Variants in DENND5B observed in about 807,000 individuals in gnomAD.
DENND5B encodes the protein DENN domain containing 5B, also known as DENN domain-containing protein 5B.
Under a neutral mutation model 140.6 loss-of-function variants are expected in DENND5B, and 34 were observed. The observed-to-expected ratio is 0.24, with a 90% confidence interval of 0.18 to 0.32. The LOEUF is 0.32. Ranked by LOEUF, DENND5B falls within the 10% of genes least tolerant of loss-of-function variation. DENND5B has a pLI of 1.00. For synonymous variants in DENND5B, 551 were observed against 562.1 expected, an observed-to-expected ratio of 0.98 and a Z score of 0.28; for missense variants, 1,142 against 1,560.2, an observed-to-expected ratio of 0.73 and a Z score of 4.52.
At chr12:31,574,827 C>T (rs1001239880) in intron 1 of DENND5B, among the ~76,000 whole-genome samples, 1 of 152,204 alleles carries the variant, frequency 6.6e-6, no homozygotes, top group Non-Finnish European at 1.5e-5. Context: ...CTAGTACACA[C>T]AGCTTTCACA....
chr12:31,467,243 G>A (rs1003826935), intron 3 of DENND5B, among the ~76,000 whole-genome samples: 1 of 151,960 alleles, frequency 6.6e-6, no homozygotes, highest in African/African-American at 2.4e-5. Flanking sequence ...GCTATCTCAG[G>A]AAAGGAACTT....
chr12:31,512,503 A>G (rs1418184838), intron 1 of DENND5B, among the ~76,000 whole-genome samples: 1 of 151,540 alleles, frequency 6.6e-6, no homozygotes, highest in Non-Finnish European at 1.5e-5. Context: ...AAGTGCTGGG[A>G]TTAGAGGCAT....
intron 8 of DENND5B, chr12:31,432,855 C>T (rs1480432277): frequency 3.8e-6 from 1 of 263,004 alleles, no homozygotes; most frequent in East Asian, 8.9e-5. Context: ...CTCATGCAGA[C>T]AATTTTTCTC....
At chr12:31,501,004 C>G (rs1007128771) in intron 1 of DENND5B, among the ~76,000 whole-genome samples, 5 of 152,134 alleles carry the variant, frequency 3.3e-5, no homozygotes, top group African/African-American at 9.7e-5. Flanking sequence ...CAATGAAAGT[C>G]TGAGATTCTG....
chr12:31,418,438 C>T (rs1288917280), intron 11 of DENND5B, among the ~76,000 whole-genome samples: 2 of 151,596 alleles, frequency 1.3e-5, no homozygotes, highest in African/African-American at 4.8e-5. Flanking sequence ...GCCACCACAC[C>T]TGGCTAATTT....
chr12:31,530,511 G>A (rs1948245050), intron 1 of DENND5B, among the ~76,000 whole-genome samples: 1 of 152,102 alleles, frequency 6.6e-6, no homozygotes, highest in Non-Finnish European at 1.5e-5. Context: ...ATTCTCAATG[G>A]TATCCATTAT....
intron 7 of DENND5B, among the ~76,000 whole-genome samples, chr12:31,440,873 T>C (rs1943998424): frequency 6.6e-6 from 1 of 152,122 alleles, no homozygotes; most frequent in Non-Finnish European, 1.5e-5. Context: ...GTAGCTGGCA[T>C]GACAGGCATG....
At chr12:31,464,418 C>T (rs1315096230) in intron 3 of DENND5B, among the ~76,000 whole-genome samples, 1 of 152,188 alleles carries the variant, frequency 6.6e-6, no homozygotes, top group Non-Finnish European at 1.5e-5. Context: ...TATCTACATG[C>T]TTCAACAGTA....
At chr12:31,465,959 G>C (rs1409778005) in intron 3 of DENND5B, 2 of 152,276 alleles carry the variant, frequency 1.3e-5, no homozygotes, top group African/African-American at 4.8e-5. Context: ...ACCAAAAAAT[G>C]TCAAAGAAAG....
intron 17 of DENND5B, among the ~76,000 whole-genome samples, chr12:31,395,636 ATAGT>A (rs998172624): frequency 1.3e-5 from 2 of 152,152 alleles, no homozygotes; most frequent in African/African-American, 4.8e-5. Context: ...AACTGCACTC[ATAGT>A]TAATACACAA....
chr12:31,413,400 T>G, intron 13 of DENND5B, 36 bp downstream of exon 13: 1 of 1,596,918 alleles, frequency 6.3e-7, no homozygotes, highest in Non-Finnish European at 8.5e-7. Flanking sequence ...GCACATGGAT[T>G]ATAGAAACAG....
At chr12:31,460,470 A>T in intron 3 of DENND5B, 89 bp from the exon 4 acceptor site, 1 of 1,305,826 alleles carries the variant, frequency 7.7e-7, no homozygotes, top group South Asian at 1.5e-5. Flanking sequence ...CTTAAGAAAA[A>T]AATTTCTGCG....
At chr12:31,539,604 A>G (rs990461169) in intron 1 of DENND5B, among the ~76,000 whole-genome samples, 4 of 152,188 alleles carry the variant, frequency 2.6e-5, no homozygotes, top group African/African-American at 7.2e-5. Context: ...ATATATCATC[A>G]TATCAACAAA....
intron 1 of DENND5B, among the ~76,000 whole-genome samples, chr12:31,582,560 C>A (rs1247929250): frequency 6.6e-6 from 1 of 152,114 alleles, no homozygotes; most frequent in East Asian, 1.9e-4. Context: ...TACAGTAACA[C>A]CTTATCTTTA....
chr12:31,561,729 T>C (rs182870326), intron 1 of DENND5B, among the ~76,000 whole-genome samples: 166 of 152,290 alleles, frequency 1.1e-3, no homozygotes, highest in African/African-American at 3.5e-3. Flanking sequence ...CAAACATACA[T>C]TGAGCGCCTA....
chr12:31,531,854 T>C lies in DENND5B; in HGVS notation c.128-35935A>G, dbSNP rs530843953. On this transcript the variant is annotated intron_variant, in intron 1 of 20. Transcript: ENST00000389082. Reference sequence around the variant, plus strand: ...AGCTGGAACTGGCCTAGAAGTAAAATCAGAATAGAGAGATACTTGTAGGCT... The same window carrying C: ...AGCTGGAACTGGCCTAGAAGTAAAACCAGAATAGAGAGATACTTGTAGGCT... Among the ~76,000 whole-genome samples, 3 of 152,230 alleles carry C rather than the reference T, an allele frequency of 2.0e-5. No individual in the cohort carries two copies. In the South Asian group the frequency reaches 6.2e-4, roughly 32 times the overall value.
intron 3 of DENND5B, among the ~76,000 whole-genome samples, chr12:31,469,127 G>T (rs1320743368): frequency 6.6e-6 from 1 of 151,988 alleles, no homozygotes; most frequent in Non-Finnish European, 1.5e-5. Context: ...TGGAGGTCAG[G>T]AGTTCAAGAC....
At chr12:31,495,368 G>A (rs553881958) in intron 2 of DENND5B, among the ~76,000 whole-genome samples, 42 of 103,262 alleles carry the variant, frequency 4.1e-4, no homozygotes, top group Non-Finnish European at 6.4e-4. Context: ...AATGAGGAGA[G>A]TATCACATTT....
At chr12:31,444,393 G>A (rs539430477) in intron 6 of DENND5B, among the ~76,000 whole-genome samples, 8 of 152,102 alleles carry the variant, frequency 5.3e-5, no homozygotes, top group East Asian at 3.9e-4. Flanking sequence ...ACAGGCACCC[G>A]CCACCATGCC....
Sources: allele counts gnomAD v4.1 joint callset (sites outside exome capture counted in the v4.1 genomes callset), GRCh38; gene constraint gnomAD v4.1.1; transcripts MANE v1.5; gene names NCBI Gene and HGNC (gene_info 2026-07-23, HGNC 2026-07-21).